USP9X: variants seen among roughly 807,000 people sequenced by gnomAD.
USP9X encodes the protein ubiquitin carboxyl-terminal hydrolase 9X.
Under a neutral mutation model 190.3 loss-of-function variants are expected in USP9X, and 7 were observed. The observed-to-expected ratio is 0.04, with a 90% CI of 0.02 to 0.07. The LOEUF (loss-of-function observed/expected upper bound fraction) is 0.07, where lower values mean the gene tolerates loss of function less well. Among genes scored for constraint, USP9X ranks in the 10% least tolerant of loss-of-function variants. The probability of loss-of-function intolerance (pLI) is 1.00; values close to 1 mark genes in which losing one functional copy is unlikely to be tolerated. For synonymous variants in USP9X, 645 were observed against 659.5 expected, an observed-to-expected ratio of 0.98 and a Z score of 0.34; for missense variants, 1,010 against 1,916.9, an observed-to-expected ratio of 0.53 and a Z score of 8.83.
chrX:41,197,492 A>T lies in USP9X; in HGVS notation c.4362A>T (p.Gly1454=). 2 of 1,210,648 alleles carry T rather than the reference A, an allele frequency of 1.7e-6. No individual in the cohort carries two copies. ...AATTTCATATTGGTTGTGAAAAAGG[A>T]GGTGCTAATCTCATTAAAGTAAGTT... ...EKKFHIGCEK[G]GANLIKELID... is the part of the protein sequence containing the mutation. The change falls in exon 29 of 45, where the codon GGA becomes GGT. Residue 1454 remains glycine, a synonymous_variant. Coordinates refer to ENST00000378308, the MANE Select transcript of USP9X (RefSeq NM_001039591.3).
chrX:41,118,813 A>G (rs1351132880), intron 1 of USP9X, among the ~76,000 whole-genome samples: 4 of 111,720 alleles, frequency 3.6e-5, no homozygotes, highest in African/African-American at 6.5e-5. Flanking sequence ...CCAACTCTCT[A>G]GTGGTTTTCA....
At chrX:41,221,202 C>T (rs766947005) in intron 38 of USP9X, among the ~76,000 whole-genome samples, 181 of 110,933 alleles carry the variant, frequency 1.6e-3, no homozygotes, top group Non-Finnish European at 3.0e-3. Flanking sequence ...GCGGAGGTTG[C>T]AGTGAGCTGA....
rs1274145587 is a variant in USP9X at position 41,184,803 on chromosome X, T to G, written c.3558+128T>G. 4 of 576,416 alleles carry G rather than the reference T, an allele frequency of 6.9e-6. No individual in the cohort carries two copies. In the East Asian group the frequency reaches 1.5e-4, roughly 21 times the overall value. The allele number at this position is 576,416 out of a possible 1,213,427, so 47.5% of individuals were successfully genotyped here. On this transcript the variant is annotated intron_variant, in intron 23 of 44. Coordinates refer to ENST00000378308, the MANE Select transcript of USP9X (RefSeq NM_001039591.3). Reference sequence around the variant, plus strand: ...TCAAAGTGCCTTATTTCAGAGGTTTTCTTTATGATGTTTGTATTAAAAGTG... The same window carrying G: ...TCAAAGTGCCTTATTTCAGAGGTTTGCTTTATGATGTTTGTATTAAAAGTG...
chrX:41,155,704 T>A (rs2062572314), intron 14 of USP9X, among the ~76,000 whole-genome samples: 1 of 111,350 alleles, frequency 9.0e-6, no homozygotes, highest in African/African-American at 3.3e-5. Context: ...GACTCATTCC[T>A]TACATCAACT....
chrX:41,174,365 T>C (rs189099614), intron 21 of USP9X, among the ~76,000 whole-genome samples: 260 of 111,669 alleles, frequency 2.3e-3, no homozygotes, highest in Non-Finnish European at 3.3e-3. Flanking sequence ...CCACCCCCCA[T>C]GGATACCGGG....
chrX:41,165,321 G>A (rs756029010), intron 15 of USP9X, among the ~76,000 whole-genome samples: 6 of 111,796 alleles, frequency 5.4e-5, no homozygotes, highest in Non-Finnish European at 9.4e-5. Flanking sequence ...CGCCTCCCGG[G>A]TTCAATTGAT....
chrX:41,202,010 G>T (rs925844155), intron 31 of USP9X, among the ~76,000 whole-genome samples: 9 of 110,673 alleles, frequency 8.1e-5, no homozygotes, highest in Admixed American at 1.9e-4. Context: ...GTGTTTTTTT[G>T]TGTAGAGTGT....
intron 12 of USP9X, among the ~76,000 whole-genome samples, chrX:41,150,219 G>A (rs2062511904): frequency 9.1e-6 from 1 of 110,210 alleles, no homozygotes; most frequent in African/African-American, 3.3e-5. Context: ...AAAACAATCC[G>A]AGCTTACGAA....
At chrX:41,182,775 A>T (rs1222560106) in intron 21 of USP9X, among the ~76,000 whole-genome samples, 1 of 111,231 alleles carries the variant, frequency 9.0e-6, no homozygotes, top group Non-Finnish European at 1.9e-5. Flanking sequence ...GAAGATATTT[A>T]TAAATATTTT....
chrX:41,125,676 A>ACTCTCTCTCTCTCTCT (rs1569158725), intron 2 of USP9X, among the ~76,000 whole-genome samples: 2 of 41,730 alleles, frequency 4.8e-5, no homozygotes, highest in African/African-American at 2.0e-4. Flanking sequence ...ACACACACAC[A>ACTCTCTCTCTCTCTCT]CACACACACT....
At chrX:41,131,629 C>G in intron 4 of USP9X, 93 bp downstream of exon 4, 3 of 777,702 alleles carry the variant, frequency 3.9e-6, no homozygotes, top group South Asian at 6.7e-5. Flanking sequence ...TTGTTTTCCT[C>G]CATCATAAAC....
intron 1 of USP9X, 46 bp downstream of exon 1, chrX:41,086,155 C>G (rs2061908816): frequency 3.4e-6 from 1 of 293,773 alleles, no homozygotes; most frequent in Non-Finnish European, 5.9e-6. Context: ...CCGGGGCCAA[C>G]AGCTGGATGT....
At chrX:41,221,264 A>AAAAAATT (rs981197789) in intron 38 of USP9X, among the ~76,000 whole-genome samples, 1 of 112,042 alleles carries the variant, frequency 8.9e-6, no homozygotes, top group African/African-American at 3.2e-5. Context: ...TCCATCTTAA[A>AAAAAATT]AAAAATTAAA....
At chrX:41,212,792 A>C (rs1330206418) in intron 33 of USP9X, among the ~76,000 whole-genome samples, 2 of 111,552 alleles carry the variant, frequency 1.8e-5, no homozygotes, top group African/African-American at 6.5e-5. Flanking sequence ...CCAGGAAATG[A>C]TTGGGTGAGA....
intron 1 of USP9X, among the ~76,000 whole-genome samples, chrX:41,096,772 C>G (rs770138121): frequency 2.8e-4 from 31 of 111,917 alleles, no homozygotes; most frequent in Admixed American, 2.3e-3. Flanking sequence ...TTACCCAACT[C>G]CCTGTGTTAA....
At chrX:41,181,702 G>A (rs1056850920) in intron 21 of USP9X, among the ~76,000 whole-genome samples, 1 of 109,510 alleles carries the variant, frequency 9.1e-6, no homozygotes, top group African/African-American at 3.3e-5. Context: ...GCCCACCTCC[G>A]CCTCCCTGAG....
intron 18 of USP9X, among the ~76,000 whole-genome samples, chrX:41,168,861 T>G (rs2147119903): frequency 9.1e-6 from 1 of 109,298 alleles, no homozygotes; most frequent in African/African-American, 3.3e-5. Context: ...GTGTTTATAG[T>G]TTTGGGATGT....
At position 41,085,527 on chromosome X, in the gene USP9X, C is replaced by A. The variant is rs1456930304; in HGVS notation, c.-741C>A. 1 of 199,161 alleles carries A rather than the reference C, an allele frequency of 5.0e-6. No individual in the cohort carries two copies. Among genetic ancestry groups the A allele is most frequent in the African/African-American group, 3.0e-5 (1 of 33,076 alleles). The allele number at this position is 199,161 out of a possible 1,213,427, so 16.4% of individuals were successfully genotyped here. On this transcript the variant is annotated 5_prime_UTR_variant, in exon 1 of 45. Coordinates refer to ENST00000378308, the MANE Select transcript of USP9X (RefSeq NM_001039591.3). ...TCCGCCGCCGCCGGAGCCGCAACCT[C>A]TCCGCACCCGGCCCCGTCAGGGCCT...
intron 1 of USP9X, among the ~76,000 whole-genome samples, chrX:41,095,573 T>G (rs1285549727): frequency 8.9e-6 from 1 of 112,000 alleles, no homozygotes; most frequent in Non-Finnish European, 1.9e-5. Context: ...TATAGTGTTT[T>G]CAGAGTAAGA....
Sources: gnomAD v4.1 joint callset for allele counts (sites outside exome capture counted in the v4.1 genomes callset) on GRCh38, gnomAD v4.1.1 for gene constraint, MANE v1.5 for transcripts, NCBI Gene and HGNC (gene_info 2026-07-23, HGNC 2026-07-21) for gene names.